The following ABCA5 variants were observed in gnomAD, a reference collection of about 807,000 sequenced individuals.
ABCA5 encodes cholesterol transporter ABCA5.
A neutral mutation model predicts 206.0 loss-of-function variants in ABCA5; 163 were observed. That is an observed-to-expected ratio of 0.79 (90% CI 0.70 to 0.90). ABCA5 has a LOEUF of 0.90. Among genes scored for constraint, ABCA5 ranks in the 40% least tolerant of loss-of-function variants. The probability of loss-of-function intolerance (pLI) is 0.00; values close to 1 mark genes in which losing one functional copy is unlikely to be tolerated. For missense variants in ABCA5, 1,859 were observed against 1,912.9 expected (o/e 0.97, Z 0.53); for synonymous variants, 609 against 613.8 (o/e 0.99, Z 0.11).
At chr17:69,314,688 G>A (rs2075799624) in intron 1 of ABCA5, 1 of 316,818 alleles carries the variant, frequency 3.2e-6, no homozygotes, top group Non-Finnish European at 5.7e-6. Flanking sequence ...TTCTCCTTTG[G>A]TATCTCCCGA....
intron 22 of ABCA5, among the ~76,000 whole-genome samples, chr17:69,270,215 G>C (rs1195021330): frequency 6.6e-6 from 1 of 152,058 alleles, no homozygotes; most frequent in Non-Finnish European, 1.5e-5. Context: ...ATACTTTTCT[G>C]TAATCTTGAT....
At chr17:69,325,742 G>A (rs991268589) in intron 1 of ABCA5, 4 of 152,154 alleles carry the variant, frequency 2.6e-5, no homozygotes, top group Admixed American at 2.6e-4. Context: ...TATTCAGCAG[G>A]GTCCCTAGAG....
At chr17:69,313,068 AAT>A (rs1555585990) in intron 3 of ABCA5, 22 bp downstream of exon 3, 69 of 1,520,486 alleles carry the variant, frequency 4.5e-5, no homozygotes, top group South Asian at 1.2e-4. Context: ...TTATAAACAG[AAT>A]ATATATATAA....
At chr17:69,265,871 T>C (rs1211434393) in intron 23 of ABCA5, among the ~76,000 whole-genome samples, 1 of 152,160 alleles carries the variant, frequency 6.6e-6, no homozygotes, top group African/African-American at 2.4e-5. Context: ...TCTTGGAAAA[T>C]AATTTGGCAA....
chr17:69,297,886 G>A (rs537430932), intron 9 of ABCA5, among the ~76,000 whole-genome samples: 3 of 152,042 alleles, frequency 2.0e-5, no homozygotes, highest in African/African-American at 4.8e-5. Flanking sequence ...ATGAGACTTA[G>A]AAATGGTATA....
rs776161599 is a variant in ABCA5 at position 69,313,159 on chromosome 17, T to C, written c.240A>G (p.Gly80=). Residue 80 remains glycine (G), a synonymous_variant, in exon 3 of 39, where the codon GGA becomes GGG. Transcript: ENST00000392676. The part of the protein sequence containing the change: ...DKFTLSNLIL[G]YTPVTNITSS... ...TTGTAATATTAGTCACTGGAGTATA[T>C]CCAAGAATTAGATTAGAAAGAGTAA... 46 of 1,611,228 alleles carry C rather than the reference T, an allele frequency of 2.9e-5. No homozygotes were observed. The highest frequency in any genetic ancestry group is 4.0e-5 in the African/African-American group (3 of 74,862).
intron 14 of ABCA5, among the ~76,000 whole-genome samples, chr17:69,288,694 C>T (rs560022341): frequency 6.9e-5 from 10 of 143,956 alleles, no homozygotes; most frequent in Admixed American, 2.2e-4. Context: ...AGCAAGGTCT[C>T]GTCTCTACAA....
intron 23 of ABCA5, among the ~76,000 whole-genome samples, chr17:69,267,123 C>T (rs957635123): frequency 2.0e-5 from 3 of 152,098 alleles, no homozygotes; most frequent in Non-Finnish European, 4.4e-5. Flanking sequence ...GATCCGCCCA[C>T]CTCGGCCTCC....
chr17:69,274,689 G>C (rs1368067638), intron 19 of ABCA5, among the ~76,000 whole-genome samples: 1 of 151,834 alleles, frequency 6.6e-6, no homozygotes, highest in Non-Finnish European at 1.5e-5. Flanking sequence ...AGTTATAAAA[G>C]TGTATTTTAG....
intron 4 of ABCA5, 37 bp from the exon 5 acceptor site, chr17:69,308,405 C>A: frequency 7.1e-7 from 1 of 1,416,552 alleles, no homozygotes; most frequent in South Asian, 1.2e-5. Flanking sequence ...AGATTCTGTA[C>A]AACATGCAAG....
intron 28 of ABCA5, among the ~76,000 whole-genome samples, chr17:69,257,214 T>C (rs752597504): frequency 3.3e-5 from 5 of 151,746 alleles, no homozygotes; most frequent in Non-Finnish European, 5.9e-5. Flanking sequence ...AAAAATAAAA[T>C]ACAAAAATTA....
intron 11 of ABCA5, among the ~76,000 whole-genome samples, chr17:69,294,454 G>A (rs1012300361): frequency 2.6e-5 from 4 of 152,174 alleles, no homozygotes; most frequent in Non-Finnish European, 4.4e-5. Flanking sequence ...CCCAGAAGGC[G>A]CAGGTTGCAG....
chr17:69,256,708 A>G lies in ABCA5; in HGVS notation c.3732-425T>C, dbSNP rs529012119. On this transcript the variant is annotated intron_variant, in intron 28 of 38. Transcript: ENST00000392676. ...TGGCCTCAAAAGATCCACCTGCCTC[A>G]GCCTCCCAAAGTACTGGGATTACAG... 1.8e-4 allele frequency among the ~76,000 whole-genome samples: 28 copies of G among 152,172 alleles called. No individual in the cohort carries two copies. In the East Asian group the frequency reaches 5.2e-3, roughly 28 times the overall value.
chr17:69,294,826 A>G, intron 10 of ABCA5, 113 bp from the exon 11 acceptor site: 1 of 607,206 alleles, frequency 1.6e-6, no homozygotes, highest in Non-Finnish European at 2.7e-6. Flanking sequence ...ATAATAAAAT[A>G]ATAATAAAGT....
chr17:69,311,207 C>CA (rs371682148), intron 3 of ABCA5, among the ~76,000 whole-genome samples: 3,585 of 143,086 alleles, frequency 0.025, 51 homozygotes, highest in Non-Finnish European at 0.033. Flanking sequence ...AAGAAAAAGA[C>CA]AAAAAAAAAA....
Position 69,244,782 on chromosome 17 carries a change from A to G in ABCA5, c.*2755T>C, listed in dbSNP as rs1724692114. The G allele has an allele frequency of 6.6e-6, 1 of 151,374 alleles. No homozygotes were observed. The highest frequency in any genetic ancestry group is 6.6e-5 in the Admixed American group (1 of 15,204). The allele number at this position is 151,374 out of a possible 1,614,324, so 9.4% of individuals were successfully genotyped here. A position where few individuals can be genotyped will look rare whatever the true frequency, so the allele number is the denominator to read the frequency against. Reference sequence around the variant, plus strand: ...AACTAACAGAACAACAATAAAAACAATAATAACAACACTTATCCTAAGTAA... The same window carrying G: ...AACTAACAGAACAACAATAAAAACAGTAATAACAACACTTATCCTAAGTAA... On this transcript the variant is annotated 3_prime_UTR_variant, in exon 39 of 39. Coordinates refer to ENST00000392676, the MANE Select transcript of ABCA5 (RefSeq NM_172232.4).
At chr17:69,291,949 C>G (rs1598184032) in intron 11 of ABCA5, among the ~76,000 whole-genome samples, 2 of 151,738 alleles carry the variant, frequency 1.3e-5, no homozygotes, top group Admixed American at 1.3e-4. Context: ...CCCGTCTCTA[C>G]AAAAAATATA....
chr17:69,262,015 ACAT>A (rs201656754), intron 24 of ABCA5, among the ~76,000 whole-genome samples: 1 of 133,662 alleles, frequency 7.5e-6, no homozygotes, highest in Non-Finnish European at 1.8e-5. Flanking sequence ...TGTAAGAAAA[ACAT>A]TATTATTTTA....
chr17:69,294,561 T>C lies in ABCA5; in HGVS notation c.1495+94A>G, dbSNP rs577125452. 2,052 of 1,067,024 alleles carry C rather than the reference T, an allele frequency of 1.9e-3. 6 individuals are homozygous for C. Among genetic ancestry groups the C allele is most frequent in the South Asian group, 3.7e-3 (255 of 69,842 alleles). 66.1% of individuals were successfully genotyped at this position (1,067,024 alleles called of 1,614,324 possible). On this transcript the variant is annotated intron_variant, in intron 11 of 38. Coordinates refer to ENST00000392676, the MANE Select transcript of ABCA5 (RefSeq NM_172232.4). Reference sequence around the variant, plus strand: ...AAAATAAAAGCAAGACAGAAAATCATGGTAGAGAAGTTTAAATTTCCCACA... The same window carrying C: ...AAAATAAAAGCAAGACAGAAAATCACGGTAGAGAAGTTTAAATTTCCCACA...
Sources: allele counts gnomAD v4.1 joint callset (sites outside exome capture counted in the v4.1 genomes callset), GRCh38; gene constraint gnomAD v4.1.1; transcripts MANE v1.5; gene names NCBI Gene and HGNC (gene_info 2026-07-23, HGNC 2026-07-21).